The following PALD1 variants were observed in gnomAD, a reference collection of about 807,000 sequenced individuals.
The protein encoded by PALD1 is paladin.
PALD1 carries 57 observed loss-of-function variants against 96.0 expected under a neutral mutation model. That is an observed-to-expected ratio of 0.59 (90% CI 0.48 to 0.74). The LOEUF is 0.74. PALD1 is among the 30% of genes least tolerant of loss of function. PALD1 has a pLI of 0.00. For synonymous variants in PALD1, 464 were observed against 473.6 expected, an observed-to-expected ratio of 0.98 and a Z score of 0.26; for missense variants, 1,063 against 1,143.7, an observed-to-expected ratio of 0.93 and a Z score of 1.02.
At chr10:70,550,581 T>G (rs1483803778) in intron 18 of PALD1, among the ~76,000 whole-genome samples, 1 of 152,214 alleles carries the variant, frequency 6.6e-6, no homozygotes, top group African/African-American at 2.4e-5. Context: ...ACATCAAGTT[T>G]AGAACATTTT....
intron 1 of PALD1, among the ~76,000 whole-genome samples, chr10:70,482,160 C>T (rs1320028839): frequency 6.6e-6 from 1 of 152,076 alleles, no homozygotes; most frequent in Non-Finnish European, 1.5e-5. Flanking sequence ...GCTGGGTGGG[C>T]CAGGCACCTC....
Position 70,558,241 on chromosome 10 carries a change from C to T in PALD1, c.2263-6123C>T, listed in dbSNP as rs75360509. Among the ~76,000 whole-genome samples, 420 of 152,144 alleles carry T rather than the reference C, an allele frequency of 2.8e-3. 4 individuals are homozygous for T. In the East Asian group the frequency reaches 0.033, roughly 12 times the overall value. On this transcript the variant is annotated intron_variant, in intron 18 of 19. Coordinates refer to ENST00000263563, the MANE Select transcript of PALD1 (RefSeq NM_014431.3). The stretch of plus-strand genomic sequence containing the variant: ...CAGGTCTTCAAGCATGTGGCCTCCT[C>T]GGTGGACAGGAGGCCTGGGTTCCTG...
Position 70,541,117 on chromosome 10 carries a change from CT to C in PALD1, c.1925del (p.Leu642ArgfsTer53). On this transcript the variant is annotated frameshift_variant, in exon 16 of 20. Coordinates refer to ENST00000263563, the MANE Select transcript of PALD1 (RefSeq NM_014431.3). LOFTEE classifies it high-confidence loss of function. ...TCTCGTCCAGGACTTTGACCAGCTG[CT>C]GGAGGCCCTGCGGGCCGCCCTCTCC... ...APREEDFDQL[L>X]EALRAALSKD... The C allele has an allele frequency of 5.0e-6, 8 of 1,607,208 alleles. No homozygotes were observed. The highest frequency in any genetic ancestry group is 6.8e-6 in the Non-Finnish European group (8 of 1,177,698).
chr10:70,493,645 C>T (rs1382741454), intron 1 of PALD1, among the ~76,000 whole-genome samples: 1 of 152,190 alleles, frequency 6.6e-6, no homozygotes, highest in Non-Finnish European at 1.5e-5. Flanking sequence ...GTGGCAACCC[C>T]ATGCTTCTAG....
chr10:70,558,660 C>T (rs1216201553), intron 18 of PALD1, among the ~76,000 whole-genome samples: 2 of 151,486 alleles, frequency 1.3e-5, no homozygotes, highest in South Asian at 2.1e-4. Flanking sequence ...TGGTATTACA[C>T]GGGGAGTAAG....
chr10:70,557,684 C>T (rs938964349), intron 18 of PALD1, among the ~76,000 whole-genome samples: 3 of 151,908 alleles, frequency 2.0e-5, no homozygotes, highest in Non-Finnish European at 2.9e-5. Context: ...TGGTGCTGCA[C>T]GTGGGAAGAG....
chr10:70,476,797 G>A (rs576608280), upstream of PALD1, among the ~76,000 whole-genome samples: 11 of 152,238 alleles, frequency 7.2e-5, no homozygotes, highest in African/African-American at 2.4e-4. Flanking sequence ...GGCACAGGTA[G>A]GACATAGCTT....
At chr10:70,502,872 CTCTTT>C (rs1296129306) in intron 1 of PALD1, among the ~76,000 whole-genome samples, 2 of 152,072 alleles carry the variant, frequency 1.3e-5, no homozygotes, top group South Asian at 2.1e-4. Flanking sequence ...CTCTTCTCTT[CTCTTT>C]TCTCTTCTCT....
intron 18 of PALD1, among the ~76,000 whole-genome samples, chr10:70,555,766 C>G (rs1474965526): frequency 6.6e-6 from 1 of 152,194 alleles, no homozygotes; most frequent in Non-Finnish European, 1.5e-5. Context: ...CCTTGGGAGG[C>G]TGAGGCGGGC....
chr10:70,495,966 G>A (rs779566069), intron 1 of PALD1, among the ~76,000 whole-genome samples: 9 of 151,820 alleles, frequency 5.9e-5, no homozygotes, highest in Non-Finnish European at 1.0e-4. Context: ...AGTCATGATC[G>A]TACCACTGTA....
chr10:70,523,177 G>A (rs1471640739), intron 1 of PALD1, among the ~76,000 whole-genome samples: 1 of 152,230 alleles, frequency 6.6e-6, no homozygotes, highest in Non-Finnish European at 1.5e-5. Flanking sequence ...GGCACCAGCT[G>A]TAGCCTGTCA....
intron 7 of PALD1, among the ~76,000 whole-genome samples, chr10:70,533,323 CTG>C (rs1491092438): frequency 1.3e-5 from 2 of 151,160 alleles, no homozygotes; most frequent in Non-Finnish European, 1.5e-5. Context: ...GTGTTCCTGT[CTG>C]TGTGTCTCTG....
intron 1 of PALD1, among the ~76,000 whole-genome samples, chr10:70,508,080 T>G (rs148249715): frequency 1.3e-5 from 2 of 152,070 alleles, no homozygotes; most frequent in African/African-American, 4.8e-5. Context: ...GAATGAGTGA[T>G]TGGGGGGCTG....
chr10:70,541,768 C>G (rs1446238578), intron 17 of PALD1, among the ~76,000 whole-genome samples: 1 of 152,220 alleles, frequency 6.6e-6, no homozygotes, highest in Non-Finnish European at 1.5e-5. Flanking sequence ...GGACCCCTCC[C>G]TGCCCGGCCT....
At chr10:70,490,398 T>C (rs147753610) in intron 1 of PALD1, among the ~76,000 whole-genome samples, 398 of 152,288 alleles carry the variant, frequency 2.6e-3, no homozygotes, top group African/African-American at 9.3e-3. Flanking sequence ...ATTTAAAAGT[T>C]TTTTTAATAG....
chr10:70,492,288 A>G (rs1846111545), intron 1 of PALD1, among the ~76,000 whole-genome samples: 1 of 152,040 alleles, frequency 6.6e-6, no homozygotes, highest in South Asian at 2.1e-4. Context: ...TTTCAACTTT[A>G]CAATGGGTTT....
At chr10:70,500,649 T>C (rs564407823) in intron 1 of PALD1, among the ~76,000 whole-genome samples, 2 of 152,304 alleles carry the variant, frequency 1.3e-5, no homozygotes, top group South Asian at 4.1e-4. Flanking sequence ...CTTCCGCCAC[T>C]GTGCAGCTCG....
chr10:70,458,992 C>G, the PALD1 span, among the ~76,000 whole-genome samples: 4 of 152,238 alleles, frequency 2.6e-5, no homozygotes, highest in Non-Finnish European at 4.4e-5. Context: ...ACTGCTAAAC[C>G]AAGGGATTAC....
chr10:70,482,374 C>G (rs1845947658), intron 1 of PALD1, among the ~76,000 whole-genome samples: 1 of 152,202 alleles, frequency 6.6e-6, no homozygotes, highest in Non-Finnish European at 1.5e-5. Flanking sequence ...TCCCAGAGGG[C>G]AGCCCAGCCA....
Sources: gnomAD v4.1 joint callset for allele counts (sites outside exome capture counted in the v4.1 genomes callset) on GRCh38, gnomAD v4.1.1 for gene constraint, MANE v1.5 for transcripts, NCBI Gene and HGNC (gene_info 2026-07-23, HGNC 2026-07-21) for gene names.